The following ATP10D variants were observed in gnomAD, a reference collection of about 807,000 sequenced individuals.
ATP10D encodes phospholipid-transporting ATPase VD.
Under a neutral mutation model 144.8 loss-of-function variants are expected in ATP10D, and 89 were observed. That is an observed-to-expected ratio of 0.61 (90% CI 0.52 to 0.73). The LOEUF (loss-of-function observed/expected upper bound fraction) is 0.73, where lower values mean the gene tolerates loss of function less well. Ranked by LOEUF, ATP10D falls within the 30% of genes least tolerant of loss-of-function variation. The pLI, the probability that ATP10D is intolerant of heterozygous loss-of-function variation, is 0.00. For missense variants in ATP10D, 1,603 were observed against 1,714.8 expected, an observed-to-expected ratio of 0.93 and a Z score of 1.15; for synonymous variants, 571 against 615.1, an observed-to-expected ratio of 0.93 and a Z score of 1.06.
At chr4:47,513,885 G>T (rs897899417) in intron 2 of ATP10D, among the ~76,000 whole-genome samples, 31 of 152,160 alleles carry the variant, frequency 2.0e-4, no homozygotes, top group Non-Finnish European at 4.4e-4. Flanking sequence ...GGAAGACATT[G>T]TATATATCCC....
intron 15 of ATP10D, among the ~76,000 whole-genome samples, chr4:47,564,647 G>A (rs1719506103): frequency 1.3e-5 from 2 of 152,066 alleles, no homozygotes; most frequent in South Asian, 4.1e-4. Flanking sequence ...GGAAATTTAG[G>A]AGGCTTAGAC....
At chr4:47,489,095 A>G (rs775725458) in intron 1 of ATP10D, among the ~76,000 whole-genome samples, 7 of 152,186 alleles carry the variant, frequency 4.6e-5, no homozygotes, top group Non-Finnish European at 8.8e-5. Flanking sequence ...CTGCTATACA[A>G]ATGATCCCCA....
intron 14 of ATP10D, among the ~76,000 whole-genome samples, chr4:47,562,042 C>A (rs1258699995): frequency 6.6e-6 from 1 of 151,988 alleles, no homozygotes; most frequent in African/African-American, 2.4e-5. Flanking sequence ...ATCTGTGATT[C>A]CAAAATCAAA....
At chr4:47,558,521 A>G (rs906164015) in intron 12 of ATP10D, among the ~76,000 whole-genome samples, 2 of 152,198 alleles carry the variant, frequency 1.3e-5, no homozygotes, top group African/African-American at 4.8e-5. Flanking sequence ...TCTGTGCCTA[A>G]GTCTTCAACT....
intron 10 of ATP10D, among the ~76,000 whole-genome samples, chr4:47,548,401 G>A (rs1718550717): frequency 6.6e-6 from 1 of 151,890 alleles, no homozygotes; most frequent in Admixed American, 6.6e-5. Context: ...TCTTCTTTCA[G>A]CATCCGAGCT....
chr4:47,543,198 T>G (rs994851150), intron 9 of ATP10D, among the ~76,000 whole-genome samples: 4 of 152,224 alleles, frequency 2.6e-5, no homozygotes, highest in African/African-American at 9.6e-5. Flanking sequence ...AATTTATAAG[T>G]TAACATTTAT....
rs1577658646 is a variant in ATP10D at position 47,536,383 on chromosome 4, TG to T, written c.1016-53del. ...CTTCTCCTTTAGGAATAAAATTTTT[TG>T]TTTGCATGCCATATATTTAGCATCC... On this transcript the variant is annotated intron_variant, in intron 7 of 22. Coordinates refer to ENST00000273859, the MANE Select transcript of ATP10D (RefSeq NM_020453.4). The T allele has an allele frequency of 3.1e-6, 5 of 1,588,628 alleles. No homozygotes were observed. In the East Asian group the frequency reaches 1.1e-4, roughly 36 times the overall value.
At chr4:47,557,104 A>T (rs568704365) in intron 11 of ATP10D, 1 of 152,188 alleles carries the variant, frequency 6.6e-6, no homozygotes, top group Non-Finnish European at 1.5e-5. Flanking sequence ...TTTTTATACT[A>T]GTCTCATAGC....
Position 47,557,701 on chromosome 4 carries a change from CT to C in ATP10D, c.1865del (p.Leu622TrpfsTer36). Reference protein sequence around the residue: ...HPSLGGLPIKSLEEIKSLFQR... With the variant: ...HPSLGGLPIKXLEEIKSLFQR... ...TCACTGGGGGGGTTGCCCATTAAGTCTTTGGAAGAGATTAAAAGTCTTTTCC... is the reference window on the plus strand; with the variant it reads ...TCACTGGGGGGGTTGCCCATTAAGTCTTGGAAGAGATTAAAAGTCTTTTCC... On this transcript the variant is annotated frameshift_variant, in exon 12 of 23. Transcript: ENST00000273859. LOFTEE classifies it high-confidence loss of function. The C allele has an allele frequency of 6.2e-7, 1 of 1,613,854 alleles. No homozygotes were observed. The highest frequency in any genetic ancestry group is 1.1e-5 in the South Asian group (1 of 91,072).
rs1039117896 is a variant in ATP10D, at chr4:47,529,454, T to C, written c.776+3812T>C. Among the ~76,000 whole-genome samples, 4 of 152,208 alleles carry C rather than the reference T, an allele frequency of 2.6e-5. No individual in the cohort carries two copies. The East Asian group carries it at 7.7e-4, about 29-fold the overall frequency. ...GTCAAATATCAGTTGGTTGTAGACA[T>C]GTGGCTTCAATTCTGGGTGCTCTAT... On this transcript the variant is annotated intron_variant, in intron 5 of 22. Coordinates refer to ENST00000273859, the MANE Select transcript of ATP10D (RefSeq NM_020453.4).
chr4:47,532,183 A>T (rs73140019), intron 5 of ATP10D, among the ~76,000 whole-genome samples: 65 of 152,078 alleles, frequency 4.3e-4, no homozygotes, highest in African/African-American at 1.5e-3. Flanking sequence ...CACCCTTTGG[A>T]TATGGTTCTT....
chr4:47,488,571 A>G (rs1714891294), intron 1 of ATP10D, among the ~76,000 whole-genome samples: 1 of 150,758 alleles, frequency 6.6e-6, no homozygotes, highest in Non-Finnish European at 1.5e-5. Context: ...TTATAATGAC[A>G]AAATACCACT....
intron 9 of ATP10D, among the ~76,000 whole-genome samples, chr4:47,540,523 T>C: frequency 6.6e-6 from 1 of 152,278 alleles, no homozygotes; most frequent in South Asian, 2.1e-4. Context: ...TAAAAGACTT[T>C]AAAGAGAATG....
In ATP10D at chr4:47,512,748, G is replaced by A. The variant is rs1327649319; in HGVS notation, c.208G>A (p.Ala70Thr). ...FKDEYEKFSG[A>T]YVNNRIRTTK... is the part of the protein sequence containing the mutation. ...GGATGAGTATGAGAAGTTCTCCGGA[G>A]CCTATGTGAACAATCGAATACGAAC... is the stretch of plus-strand genomic sequence containing the variant. Residue 70 changes from alanine to threonine, a missense_variant, in exon 2 of 23, where the codon GCC becomes ACC. Ala to Thr is a moderately conservative substitution (Grantham distance 58, BLOSUM62 0). Transcript: ENST00000273859. 1.9e-6 allele frequency: 3 copies of A among 1,614,086 alleles called. No homozygotes were observed. The highest frequency in any genetic ancestry group is 2.5e-6 in the Non-Finnish European group (3 of 1,180,026).
At chr4:47,578,086 C>G (rs902668284) in intron 19 of ATP10D, among the ~76,000 whole-genome samples, 2 of 152,192 alleles carry the variant, frequency 1.3e-5, no homozygotes, top group Non-Finnish European at 2.9e-5. Context: ...CTCACCAATC[C>G]TTGTACACGC....
chr4:47,493,823 G>T (rs1247451931), intron 1 of ATP10D, among the ~76,000 whole-genome samples: 1 of 152,124 alleles, frequency 6.6e-6, no homozygotes, highest in East Asian at 1.9e-4. Flanking sequence ...AGGGAGGGCA[G>T]AATCTGTGTT....
intron 2 of ATP10D, 150 bp downstream of exon 2, chr4:47,512,980 G>A (rs369090589): frequency 1.7e-5 from 13 of 743,926 alleles, no homozygotes; most frequent in East Asian, 1.1e-4. Context: ...GTGGAATGAT[G>A]ACTCCTCCCA....
In ATP10D at chr4:47,515,306, G is replaced by A. The variant is rs532133415; in HGVS notation, c.291-170G>A. 2.0e-5 allele frequency among the ~76,000 whole-genome samples: 3 copies of A among 152,258 alleles called. No homozygotes were observed. The East Asian group carries it at 5.8e-4, about 29-fold the overall frequency. Reference sequence around the variant, plus strand: ...AAGAATGACACAAGCCAGATGTCTAGCAGGGTAATAAATAGTTCATTAAGA... The same window carrying A: ...AAGAATGACACAAGCCAGATGTCTAACAGGGTAATAAATAGTTCATTAAGA... On this transcript the variant is annotated intron_variant, in intron 2 of 22. Coordinates refer to ENST00000273859, the MANE Select transcript of ATP10D (RefSeq NM_020453.4).
intron 3 of ATP10D, among the ~76,000 whole-genome samples, chr4:47,519,191 C>T (rs1050283457): frequency 5.3e-5 from 8 of 152,158 alleles, no homozygotes; most frequent in Admixed American, 4.6e-4. Context: ...GTGAAGTAGG[C>T]ATCCACATTC....
Sources: gnomAD v4.1 joint callset for allele counts (sites outside exome capture counted in the v4.1 genomes callset) on GRCh38, gnomAD v4.1.1 for gene constraint, MANE v1.5 for transcripts, NCBI Gene and HGNC (gene_info 2026-07-23, HGNC 2026-07-21) for gene names.